The following MPRIP variants were observed in gnomAD, a reference collection of about 807,000 sequenced individuals.
The protein encoded by MPRIP is myosin phosphatase Rho interacting protein.
A neutral mutation model predicts 234.9 loss-of-function variants in MPRIP; 59 were observed. That is an observed-to-expected ratio of 0.25 (90% CI 0.20 to 0.31). MPRIP has a LOEUF of 0.31. MPRIP is among the 10% of genes least tolerant of loss of function. MPRIP has a pLI of 1.00. For synonymous variants in MPRIP, 1,144 were observed against 1,263.9 expected (o/e 0.91, Z 2.01); for missense variants, 2,436 against 3,071.0 (o/e 0.79, Z 4.89).
chr17:17,057,596 C>A (rs568832843), intron 1 of MPRIP: 150 of 718,012 alleles, frequency 2.1e-4, no homozygotes, highest in African/African-American at 1.3e-3. Context: ...CTACGCTGTT[C>A]ATCACTGTTA....
In MPRIP at chr17:17,173,911, C is replaced by T. The variant is rs1299966993; in HGVS notation, c.6591-5C>T. The T allele has an allele frequency of 6.2e-7, 1 of 1,613,372 alleles. No individual in the cohort carries two copies. The highest frequency in any genetic ancestry group is 2.2e-5 in the East Asian group (1 of 44,882). ...GCAGAGGAGTGAGTGCTGCCCTCTC[C>T]CCAGGGAGGAGCTGCAGTCGGTGCA... On this transcript the variant is annotated splice_polypyrimidine_tract_variant and splice_region_variant and intron_variant, in intron 18 of 23. Transcript: ENST00000651222.
Position 17,166,453 on chromosome 17 carries a change from T to C in MPRIP, c.4862T>C (p.Val1621Ala), listed in dbSNP as rs2045999434. 7.7e-7 allele frequency: 1 copy of C among 1,304,232 alleles called. No individual in the cohort carries two copies. The highest frequency in any genetic ancestry group is 1.0e-6 in the Non-Finnish European group (1 of 988,922). The allele number at this position is 1,304,232 out of a possible 1,614,324, so 80.8% of individuals were successfully genotyped here. ...GACACCTGGGCCAGGAAGGTCCTAGTGGATGGTGAGTTCTGGAGCCAGGTT... is the reference window on the plus strand; with the variant it reads ...GACACCTGGGCCAGGAAGGTCCTAGCGGATGGTGAGTTCTGGAGCCAGGTT... ...PVDTWARKVL[V>A]DGEFWSQVES... Residue 1621 changes from valine (V) to alanine (A), a missense_variant, in exon 16 of 24, where the codon GTG becomes GCG. Coordinates refer to ENST00000651222, the MANE Select transcript of MPRIP (RefSeq NM_001364716.4). This position sits in a 1 kb window ranked among gnomAD's most constrained non-coding sequence, Gnocchi z 4.4.
At chr17:17,087,977 C>T (rs1334637546) in intron 3 of MPRIP, among the ~76,000 whole-genome samples, 3 of 152,212 alleles carry the variant, frequency 2.0e-5, no homozygotes, top group Non-Finnish European at 4.4e-5. Context: ...AATTAGCTGC[C>T]AGCCTGTGTT....
At chr17:17,124,648 G>C (rs1387501731) in intron 3 of MPRIP, among the ~76,000 whole-genome samples, 1 of 152,208 alleles carries the variant, frequency 6.6e-6, no homozygotes, top group Non-Finnish European at 1.5e-5. Context: ...ATGTCATCCA[G>C]TCCTCACTGT....
intron 11 of MPRIP, among the ~76,000 whole-genome samples, chr17:17,148,002 AC>A (rs1235549920): frequency 6.6e-6 from 1 of 152,072 alleles, no homozygotes; most frequent in Admixed American, 6.6e-5. Context: ...CCCTCAGATA[AC>A]TCCCACATGT....
In MPRIP at chr17:17,082,332, G is replaced by A. The variant is rs1421598620; in HGVS notation, c.267+4256G>A. Among the ~76,000 whole-genome samples, 3 of 93,832 alleles carry A rather than the reference G, an allele frequency of 3.2e-5. No homozygotes were observed. The East Asian group carries it at 1.1e-3, about 35-fold the overall frequency. The allele number at this position is 93,832 out of a possible 152,430, so 61.6% of individuals were successfully genotyped here. A position where few individuals can be genotyped will look rare whatever the true frequency, so the allele number is the denominator to read the frequency against. Reference sequence around the variant, plus strand: ...TTTTTTGAGACGGAGTTTCGCTCTTGTTGCCCAGGCTGGAGTGCAATGGCG... The same window carrying A: ...TTTTTTGAGACGGAGTTTCGCTCTTATTGCCCAGGCTGGAGTGCAATGGCG... On this transcript the variant is annotated intron_variant, in intron 3 of 23. Coordinates refer to ENST00000651222, the MANE Select transcript of MPRIP (RefSeq NM_001364716.4).
chr17:17,136,004 T>G (rs2090687860), intron 5 of MPRIP, among the ~76,000 whole-genome samples: 1 of 152,222 alleles, frequency 6.6e-6, no homozygotes, highest in Non-Finnish European at 1.5e-5. Context: ...TACTCTGTTC[T>G]GTCTCACCTT....
chr17:17,098,016 A>G (rs1375137538), intron 3 of MPRIP, among the ~76,000 whole-genome samples: 1 of 152,190 alleles, frequency 6.6e-6, no homozygotes, highest in African/African-American at 2.4e-5. Context: ...CCAGCAGCAA[A>G]GGAAGCTGGG....
chr17:17,144,955 C>T (rs1243875956), intron 9 of MPRIP, among the ~76,000 whole-genome samples: 1 of 152,244 alleles, frequency 6.6e-6, no homozygotes, highest in Non-Finnish European at 1.5e-5. Flanking sequence ...TACAAGCTTG[C>T]AGGAGAGGAC....
intron 13 of MPRIP, among the ~76,000 whole-genome samples, chr17:17,155,433 G>A (rs1031619443): frequency 3.3e-5 from 5 of 152,086 alleles, no homozygotes; most frequent in African/African-American, 9.7e-5. Flanking sequence ...TAGTAGAGAC[G>A]GGATTTCACC....
At position 17,073,039 on chromosome 17, in the gene MPRIP, A is replaced by G. The variant is rs541346828; in HGVS notation, c.124-2671A>G. Reference sequence around the variant, plus strand: ...TGCAGCCATCATCACAGTCACTTTTAGAACATTACATCATCGCCAAAAGAA... The same window carrying G: ...TGCAGCCATCATCACAGTCACTTTTGGAACATTACATCATCGCCAAAAGAA... On this transcript the variant is annotated intron_variant, in intron 1 of 23. Transcript: ENST00000651222. 6.6e-5 allele frequency among the ~76,000 whole-genome samples: 10 copies of G among 152,268 alleles called. No homozygotes were observed. The South Asian group carries it at 1.2e-3, about 19-fold the overall frequency.
chr17:17,168,019 G>A (rs1268526839), intron 16 of MPRIP, 104 bp downstream of exon 16: 2 of 911,106 alleles, frequency 2.2e-6, no homozygotes, highest in Non-Finnish European at 3.0e-6. Context: ...GAGGGGATAT[G>A]CTGCTGTCCC....
chr17:17,073,641 A>G (rs1172248687), intron 1 of MPRIP, among the ~76,000 whole-genome samples: 1 of 152,046 alleles, frequency 6.6e-6, no homozygotes, highest in Non-Finnish European at 1.5e-5. Flanking sequence ...GAGTCCAGAT[A>G]CACACAGGGA....
Position 17,185,751 on chromosome 17 carries a change from G to T in MPRIP, c.*857G>T. Reference sequence around the variant, plus strand: ...AATGGGGGAAGGTTTGGGGGTTTGGGTTTTTTTTTTACCTTTTGGAAAAGA... The same window carrying T: ...AATGGGGGAAGGTTTGGGGGTTTGGTTTTTTTTTTTACCTTTTGGAAAAGA... On this transcript the variant is annotated 3_prime_UTR_variant, in exon 24 of 24. Coordinates refer to ENST00000651222, the MANE Select transcript of MPRIP (RefSeq NM_001364716.4). The T allele has an allele frequency of 1.3e-5, 4 of 302,490 alleles. No homozygotes were observed. Among genetic ancestry groups the T allele is most frequent in the East Asian group, 9.0e-5 (1 of 11,050 alleles). The allele number at this position is 302,490 out of a possible 1,614,324, so 18.7% of individuals were successfully genotyped here.
chr17:17,076,838 T>G (rs2089340584), intron 2 of MPRIP, among the ~76,000 whole-genome samples: 1 of 151,762 alleles, frequency 6.6e-6, no homozygotes, highest in Admixed American at 6.6e-5. Flanking sequence ...AGTCTTTTTA[T>G]AAATGATAAC....
chr17:17,081,991 C>T (rs1019741865), intron 3 of MPRIP, among the ~76,000 whole-genome samples: 11 of 152,284 alleles, frequency 7.2e-5, no homozygotes, highest in Non-Finnish European at 1.5e-4. Context: ...CAGGAGTGGA[C>T]AAAGCAACAA....
rs563653273 is a variant in MPRIP, at chr17:17,055,876, A to G, written c.123+12905A>G. ...GTATTCATAGCTGACAGGAATTGCC[A>G]TGTGCCAGGCCACTATTAGCTCATT... is the stretch of plus-strand genomic sequence containing the variant. On this transcript the variant is annotated intron_variant, in intron 1 of 23. Transcript: ENST00000651222. Among the ~76,000 whole-genome samples the G allele has an allele frequency of 3.9e-5, 6 of 152,326 alleles. No homozygotes were observed. In the East Asian group the frequency reaches 9.6e-4, roughly 24 times the overall value.
intron 19 of MPRIP, 128 bp downstream of exon 19, chr17:17,174,203 A>G: frequency 1.7e-6 from 2 of 1,193,620 alleles, no homozygotes; most frequent in Non-Finnish European, 2.3e-6. Context: ...AAGGTCCCTG[A>G]ACCACAGAGT....
chr17:17,095,894 C>T (rs2089827110), intron 3 of MPRIP, among the ~76,000 whole-genome samples: 1 of 152,192 alleles, frequency 6.6e-6, no homozygotes, highest in Admixed American at 6.5e-5. Context: ...TGCCACCAGG[C>T]CACTTTCCAT....
Sources: gnomAD v4.1 joint callset for allele counts (sites outside exome capture counted in the v4.1 genomes callset) on GRCh38, gnomAD v4.1.1 for gene constraint, Gnocchi (gnomAD v3.1) non-coding constraint, MANE v1.5 for transcripts, NCBI Gene and HGNC (gene_info 2026-07-23, HGNC 2026-07-21) for gene names.